KIF7: variants seen among roughly 807,000 people sequenced by gnomAD.
The protein encoded by KIF7 is kinesin family member 7, also known as kinesin-like protein KIF7.
In KIF7, 104 loss-of-function variants were observed where a neutral mutation model predicts 135.7. The observed-to-expected ratio is 0.77, with a 90% CI of 0.65 to 0.90. The LOEUF (loss-of-function observed/expected upper bound fraction) is 0.90. Among genes scored for constraint, KIF7 ranks in the 40% least tolerant of loss-of-function variants. KIF7 has a pLI of 0.00. For missense variants in KIF7, 2,005 were observed against 1,839.1 expected (o/e 1.09, Z -1.65); for synonymous variants, 883 against 809.4 (o/e 1.09, Z -1.54).
chr15:89,647,407 G>A (rs1964034331), intron 6 of KIF7, among the ~76,000 whole-genome samples, 189 bp downstream of exon 6: 1 of 152,034 alleles, frequency 6.6e-6, no homozygotes, highest in Admixed American at 6.5e-5. Flanking sequence ...CCTGCCTGGC[G>A]GTCCTGCACA....
At chr15:89,639,300 T>A (rs1963872799) in intron 11 of KIF7, among the ~76,000 whole-genome samples, 1 of 151,732 alleles carries the variant, frequency 6.6e-6, no homozygotes, top group Admixed American at 6.6e-5. Flanking sequence ...TGGGATCTAA[T>A]TAAACTAAAG....
chr15:89,633,824 C>T lies in KIF7; in HGVS notation c.2454G>A (p.Glu818=), dbSNP rs1286245829. The T allele has an allele frequency of 4.3e-6, 7 of 1,613,336 alleles. No individual in the cohort carries two copies. Among genetic ancestry groups the T allele is most frequent in the Non-Finnish European group, 4.2e-6 (5 of 1,180,038 alleles). Residue 818 remains glutamate, a synonymous_variant, in exon 12 of 19, where the codon GAG becomes GAA. Coordinates refer to ENST00000394412, the MANE Select transcript of KIF7 (RefSeq NM_198525.3). The part of the protein sequence containing the change: ...ERLVSLSAQS[E]KRLQELERNV... ...TCCGCTCGAGCTCCTGCAGTCGCTT[C>T]TCACTCTGGGCCGACAGTGACACCA...
At position 89,652,869 on chromosome 15, in the gene KIF7, C is replaced by T. The variant is rs935846747; in HGVS notation, c.62G>A (p.Arg21Gln). Residue 21 changes from arginine to glutamine, a missense_variant, in exon 2 of 19, where the codon CGA (arginine) becomes CAA (glutamine). By Grantham distance (43) the Arg-to-Gln change is conservative. Transcript: ENST00000394412. Reference protein sequence around the residue: ...AEEAPVRVALRVRPLLPKELL... With the variant: ...AEEAPVRVALQVRPLLPKELL... ...CTCCTTGGGCAGCAGTGGTCGAACT[C>T]GCAGGGCAACCCGCACTGGGGCCTC... 9.7e-6 allele frequency: 15 copies of T among 1,545,750 alleles called. No homozygotes were observed. Among genetic ancestry groups the T allele is most frequent in the South Asian group, 3.6e-5 (3 of 83,886 alleles).
rs561045144 is a variant in KIF7, at chr15:89,653,430, C to T, written c.-24-476G>A. ...CACCACCAAATCCTGCCAATTCCAT[C>T]TCCTAAATATCTCTCAAGTTCACCT... On this transcript the variant is annotated intron_variant, in intron 1 of 18. Transcript: ENST00000394412. Among the ~76,000 whole-genome samples, 6 of 152,332 alleles carry T rather than the reference C, an allele frequency of 3.9e-5. No homozygotes were observed. The South Asian group carries it at 8.3e-4, about 21-fold the overall frequency.
At chr15:89,624,120 T>C, downstream of KIF7, 1 of 1,613,194 alleles carries the variant, frequency 6.2e-7, no homozygotes. Context: ...AACAGCCCCA[T>C]GTCCTCAGAG....
intron 11 of KIF7, among the ~76,000 whole-genome samples, chr15:89,638,004 G>C (rs1963844993): frequency 8.3e-6 from 1 of 120,528 alleles, no homozygotes; most frequent in African/African-American, 3.0e-5. Context: ...TGGGATGCAA[G>C]GCTGGTTCAA....
intron 12 of KIF7, 136 bp from the exon 13 acceptor site, chr15:89,633,402 A>T (rs113743037): frequency 4.2e-6 from 5 of 1,195,168 alleles, no homozygotes; most frequent in African/African-American, 3.0e-5. Context: ...GACCCATCCC[A>T]CACAAATCTC....
rs1963993583 is a variant in KIF7, at chr15:89,645,366, C to T, written c.2008G>A (p.Glu670Lys). The change falls in exon 9 of 19, where the codon GAG becomes AAG. Residue 670 changes from glutamate (E) to lysine (K), a missense_variant. Physicochemically the swap from Glu to Lys is moderately conservative, Grantham distance 56. Transcript: ENST00000394412. ...GACCCTGGAATGGCTGCATCCAACT[C>T]CTCAAGGCAAAGCTCTGGGCCCTTC... ...ERKGPELCLEELDAAIPGSRA... is the reference protein window; with the variant it reads ...ERKGPELCLEKLDAAIPGSRA... The T allele has an allele frequency of 3.1e-6, 5 of 1,614,106 alleles. No homozygotes were observed. The highest frequency in any genetic ancestry group is 4.2e-6 in the Non-Finnish European group (5 of 1,179,952).
intron 2 of KIF7, among the ~76,000 whole-genome samples, chr15:89,650,879 A>G (rs1398845628): frequency 6.6e-6 from 1 of 151,524 alleles, no homozygotes; most frequent in Non-Finnish European, 1.5e-5. Flanking sequence ...CCTGGCCTAA[A>G]AAGTTAGATT....
rs1421879725 is a variant in KIF7 at position 89,633,213 on chromosome 15, T to C, written c.2646A>G (p.Glu882=). ...QQQKILKIKT[E]EIAAFQRKRR... ...TCTTCCTCTGGAATGCCGCGATCTC[T>C]TCCGTCTTAATCTTCAGGATCTTCT... The change falls in exon 13 of 19, where the codon GAA becomes GAG. Residue 882 remains glutamate (E), a synonymous_variant. Transcript: ENST00000394412. The C allele has an allele frequency of 6.3e-7, 1 of 1,597,808 alleles. No individual in the cohort carries two copies. The highest frequency in any genetic ancestry group is 8.5e-7 in the Non-Finnish European group (1 of 1,174,800).
In KIF7 at chr15:89,630,411, C is replaced by G; in HGVS notation, c.3194G>C (p.Cys1065Ser). The change falls in exon 16 of 19, where the codon TGC (cysteine) becomes TCC (serine). Residue 1065 changes from cysteine (C) to serine (S), a missense_variant. Physicochemically the swap from Cys to Ser is moderately radical, Grantham distance 112. Transcript: ENST00000394412. The part of the protein sequence containing the change: ...AIEYKNEAIT[C>S]RQRVLRASAS... ...TGAGGCCCGAAGCACCCGCTGGCGG[C>G]ATGTGATGGCCTCATTCTTATACTC... is the stretch of plus-strand genomic sequence containing the variant. The G allele has an allele frequency of 6.2e-7, 1 of 1,609,278 alleles. No homozygotes were observed. Among genetic ancestry groups the G allele is most frequent in the Non-Finnish European group, 8.5e-7 (1 of 1,177,798 alleles).
At position 89,644,995 on chromosome 15, in the gene KIF7, C is replaced by A; in HGVS notation, c.2191+18G>T. 3 of 1,606,916 alleles carry A rather than the reference C, an allele frequency of 1.9e-6. No homozygotes were observed. The highest frequency in any genetic ancestry group is 2.5e-6 in the Non-Finnish European group (3 of 1,179,964). ...AGTCCCCCTCGGGTGAGAGGCCCAC[C>A]TGATGCCCACGCCTCACCTGTGCGG... On this transcript the variant is annotated intron_variant, in intron 10 of 18. Coordinates refer to ENST00000394412, the MANE Select transcript of KIF7 (RefSeq NM_198525.3).
chr15:89,621,510 C>T (rs1217528594), intron 1 of KIF7: 1 of 1,613,782 alleles, frequency 6.2e-7, no homozygotes, highest in Non-Finnish European at 8.5e-7. Context: ...AAAAAGCGTT[C>T]AAGAAACACT....
intron 1 of KIF7, among the ~76,000 whole-genome samples, chr15:89,619,034 T>G (rs1963380504): frequency 1.3e-5 from 2 of 152,308 alleles, no homozygotes; most frequent in African/African-American, 4.8e-5. Context: ...CTCAAGTAAT[T>G]CACATTTATT....
At chr15:89,617,851 C>G (rs570618997) in intron 2 of KIF7, among the ~76,000 whole-genome samples, 1 of 152,084 alleles carries the variant, frequency 6.6e-6, no homozygotes, top group Non-Finnish European at 1.5e-5. Context: ...GCCACCACGC[C>G]CAGCTAATTT....
chr15:89,662,836 A>T, the KIF7 span, among the ~76,000 whole-genome samples: 1 of 152,220 alleles, frequency 6.6e-6, no homozygotes, highest in Non-Finnish European at 1.5e-5. Context: ...ACTGGCCAAG[A>T]TGTGTTCAAA....
Position 89,648,621 on chromosome 15 carries a change from G to T in KIF7, c.1077C>A (p.Pro359=). 1 of 1,534,460 alleles carries T rather than the reference G, an allele frequency of 6.5e-7. No individual in the cohort carries two copies. The highest frequency in any genetic ancestry group is 1.4e-5 in the African/African-American group (1 of 73,002). The stretch of plus-strand genomic sequence containing the variant: ...TCTCTTCGGGTGGCCGCTCGGCCTC[G>T]GGCCGCCAGTTGACCGTGGCGCGGT... The part of the protein sequence containing the change: ...IRNRATVNWR[P]EAERPPEETA... Residue 359 remains proline, a synonymous_variant, in exon 5 of 19, where the codon CCC becomes CCA. Transcript: ENST00000394412.
intron 11 of KIF7, among the ~76,000 whole-genome samples, chr15:89,636,213 G>A (rs1408373842): frequency 4.0e-5 from 6 of 151,766 alleles, no homozygotes; most frequent in African/African-American, 7.3e-5. Context: ...GGTACCAGCC[G>A]CTGCAAAATC....
intron 6 of KIF7, 35 bp from the exon 7 acceptor site, chr15:89,647,092 A>T: frequency 6.6e-7 from 1 of 1,517,160 alleles, no homozygotes; most frequent in South Asian, 1.2e-5. Context: ...AGGGGGCATG[A>T]ATGCCCCGAC....
Sources: gnomAD v4.1 joint callset for allele counts (sites outside exome capture counted in the v4.1 genomes callset) on GRCh38, gnomAD v4.1.1 for gene constraint, MANE v1.5 for transcripts, NCBI Gene and HGNC (gene_info 2026-07-23, HGNC 2026-07-21) for gene names.